EDARADD: variants seen among roughly 807,000 people sequenced by gnomAD.
The protein encoded by EDARADD is EDAR associated via death domain, also known as ectodysplasin-A receptor-associated adapter protein.
Under a neutral mutation model 25.6 loss-of-function variants are expected in EDARADD, and 20 were observed. The ratio of observed to expected loss-of-function variants is 0.78; its 90% CI spans 0.55 to 1.14. The LOEUF (loss-of-function observed/expected upper bound fraction) is 1.14. Among genes scored for constraint, EDARADD ranks in the 50% most tolerant of loss-of-function variants. EDARADD has a pLI of 0.00. For synonymous variants in EDARADD, 86 were observed against 94.4 expected (o/e 0.91, Z 0.52); for missense variants, 225 against 270.1 (o/e 0.83, Z 1.17).
intron 3 of EDARADD, among the ~76,000 whole-genome samples, chr1:236,419,293 C>A (rs1657719755): frequency 6.6e-6 from 1 of 152,088 alleles, no homozygotes; most frequent in Admixed American, 6.6e-5. Context: ...ACGTGGGAGG[C>A]TTAGGCTGGA....
intron 3 of EDARADD, among the ~76,000 whole-genome samples, chr1:236,419,519 A>C (rs1657726134): frequency 6.6e-6 from 1 of 152,322 alleles, no homozygotes. Flanking sequence ...GAAGTCACAC[A>C]CCTATTACGT....
rs1188271584 is a variant in EDARADD at position 236,395,199 on chromosome 1, G to T, written c.61+694G>T. Among the ~76,000 whole-genome samples the T allele has an allele frequency of 6.6e-6, 1 of 152,188 alleles. No individual in the cohort carries two copies. Among genetic ancestry groups the T allele is most frequent in the Non-Finnish European group, 1.5e-5 (1 of 68,030 alleles). ...AGCCGTTTCTTAAGGCCAGTCCTTC[G>T]CTCGCAGTCTGTCCCGGGCGGCAGT... On this transcript the variant is annotated intron_variant, in intron 1 of 5. Transcript: ENST00000334232. This position sits in a 1 kb window ranked among gnomAD's most constrained non-coding sequence, Gnocchi z 6.9.
At chr1:236,370,856 A>G (rs1442654065) in intron 3 of EDARADD, among the ~76,000 whole-genome samples, 1 of 152,238 alleles carries the variant, frequency 6.6e-6, no homozygotes, top group East Asian at 1.9e-4. Context: ...TACAAAGGCA[A>G]TCTAGTCCCC....
intron 5 of EDARADD, among the ~76,000 whole-genome samples, chr1:236,469,791 C>G (rs1275757135): frequency 6.6e-6 from 1 of 151,902 alleles, no homozygotes. Context: ...TTTTTTCATT[C>G]CATAGATTTT....
At chr1:236,449,158 G>C (rs1658641514) in intron 4 of EDARADD, among the ~76,000 whole-genome samples, 1 of 152,162 alleles carries the variant, frequency 6.6e-6, no homozygotes. Flanking sequence ...TGTTCTCCCT[G>C]TGTTCAGGCC....
chr1:236,363,221 T>C (rs1376390193), intron 3 of EDARADD, among the ~76,000 whole-genome samples: 1 of 151,018 alleles, frequency 6.6e-6, no homozygotes, highest in African/African-American at 2.4e-5. Context: ...GATCCATGTG[T>C]CAATTTTTGT....
intron 1 of EDARADD, among the ~76,000 whole-genome samples, chr1:236,403,138 T>C (rs1021021268): frequency 6.6e-6 from 1 of 151,910 alleles, no homozygotes; most frequent in Non-Finnish European, 1.5e-5. Flanking sequence ...GTATTTTTAG[T>C]AGAGATGGGG....
rs1659784584 is a variant in EDARADD, at chr1:236,484,723, A to AG, written c.*2074_*2075insG. 3.1e-6 allele frequency: 1 copy of AG among 317,584 alleles called. No individual in the cohort carries two copies. The highest frequency in any genetic ancestry group is 2.2e-5 in the African/African-American group (1 of 46,486). 19.7% of individuals were successfully genotyped at this position (317,584 alleles called of 1,614,324 possible). Reference sequence around the variant, plus strand: ...GTCCGTCCCAGAAAAAAAAAAAAAAAAAAAGAACTTCTACAGAAGCCAAGC... The same window carrying AG: ...GTCCGTCCCAGAAAAAAAAAAAAAAAGAAAAGAACTTCTACAGAAGCCAAGC... On this transcript the variant is annotated 3_prime_UTR_variant, in exon 6 of 6. Coordinates refer to ENST00000334232, the MANE Select transcript of EDARADD (RefSeq NM_145861.4). The surrounding 1 kb of genome is among the most constrained non-coding windows in gnomAD (Gnocchi z 4.1).
chr1:236,455,770 G>A (rs911284271), intron 4 of EDARADD, among the ~76,000 whole-genome samples: 10 of 151,326 alleles, frequency 6.6e-5, no homozygotes, highest in African/African-American at 2.2e-4. Context: ...TCAAGGGGTC[G>A]GTTGCACTGG....
chr1:236,469,160 G>A (rs757403082), intron 5 of EDARADD, among the ~76,000 whole-genome samples: 1 of 152,146 alleles, frequency 6.6e-6, no homozygotes, highest in Non-Finnish European at 1.5e-5. Flanking sequence ...GATAGGGAGT[G>A]AGGGAGTAAG....
chr1:236,375,137 C>A (rs564394387), intron 3 of EDARADD, among the ~76,000 whole-genome samples: 11 of 151,978 alleles, frequency 7.2e-5, no homozygotes, highest in African/African-American at 2.7e-4. Context: ...ACAGCTAATA[C>A]AAATCCACTT....
chr1:236,354,745 C>T (rs1168711685), intron 3 of EDARADD, among the ~76,000 whole-genome samples: 2 of 152,214 alleles, frequency 1.3e-5, no homozygotes, highest in Non-Finnish European at 2.9e-5. Flanking sequence ...AAGCCAGTTT[C>T]AGCAAATTGT....
At chr1:236,372,495 A>G (rs1481325285) in intron 3 of EDARADD, among the ~76,000 whole-genome samples, 1 of 152,086 alleles carries the variant, frequency 6.6e-6, no homozygotes, top group Non-Finnish European at 1.5e-5. Flanking sequence ...GTATTTTTGA[A>G]TCTATGTTCA....
chr1:236,479,745 C>CAA (rs71928175), intron 5 of EDARADD, among the ~76,000 whole-genome samples: 2,042 of 146,228 alleles, frequency 0.014, 54 homozygotes, highest in African/African-American at 0.048. Flanking sequence ...AAAGTTTAAT[C>CAA]AAAAAAAAAA....
intron 4 of EDARADD, among the ~76,000 whole-genome samples, chr1:236,441,230 C>A (rs1358512770): frequency 6.8e-6 from 1 of 147,194 alleles, no homozygotes; most frequent in East Asian, 2.0e-4. Flanking sequence ...TTCCCATAAG[C>A]CAAAGACTAA....
chr1:236,352,264 C>G (rs1024836705), intron 3 of EDARADD, among the ~76,000 whole-genome samples: 2 of 152,176 alleles, frequency 1.3e-5, no homozygotes, highest in African/African-American at 4.8e-5. Flanking sequence ...AGGTTATTAT[C>G]TCTGTCTCTC....
At chr1:236,468,943 C>T (rs943066284) in intron 5 of EDARADD, among the ~76,000 whole-genome samples, 8 of 152,246 alleles carry the variant, frequency 5.3e-5, no homozygotes, top group African/African-American at 1.9e-4. Flanking sequence ...GGACCAGAAG[C>T]CAGCTGGGTC....
At chr1:236,447,404 G>A (rs767308148) in intron 4 of EDARADD, among the ~76,000 whole-genome samples, 4 of 151,878 alleles carry the variant, frequency 2.6e-5, no homozygotes, top group Non-Finnish European at 4.4e-5. Context: ...TTACAGGCAC[G>A]TGCCGCCACG....
At chr1:236,354,775 T>C (rs584265) in intron 3 of EDARADD, among the ~76,000 whole-genome samples, 51,738 of 151,788 alleles carry the variant, frequency 0.34, 9,008 homozygotes, top group African/African-American at 0.42. Flanking sequence ...ACACACAAAT[T>C]ATCTCTGTGT....
Sources: allele counts gnomAD v4.1 joint callset (sites outside exome capture counted in the v4.1 genomes callset), GRCh38; gene constraint gnomAD v4.1.1; non-coding constraint Gnocchi (gnomAD v3.1); transcripts MANE v1.5; gene names NCBI Gene and HGNC (gene_info 2026-07-23, HGNC 2026-07-21).